The following WDFY3 variants were observed in gnomAD, a reference collection of about 807,000 sequenced individuals.
WDFY3 encodes WD repeat and FYVE domain-containing protein 3.
Under a neutral mutation model 409.6 loss-of-function variants are expected in WDFY3, and 66 were observed. The observed-to-expected ratio is 0.16, with a 90% CI of 0.13 to 0.20. The LOEUF is 0.20. Among genes scored for constraint, WDFY3 ranks in the 10% least tolerant of loss-of-function variants. The pLI is 1.00. For synonymous variants in WDFY3, 1,521 were observed against 1,537.1 expected (o/e 0.99, Z 0.25); for missense variants, 3,031 against 4,298.1 (o/e 0.71, Z 8.24).
intron 1 of WDFY3, among the ~76,000 whole-genome samples, chr4:84,958,505 T>C (rs533471949): frequency 6.6e-6 from 1 of 152,280 alleles, no homozygotes; most frequent in South Asian, 2.1e-4. Context: ...TTAAGTTTCA[T>C]AATAGGAGTA....
Position 84,672,695 on chromosome 4 carries a change from C to T in WDFY3, c.*173G>A. 1 of 880,306 alleles carries T rather than the reference C, an allele frequency of 1.1e-6. No homozygotes were observed. The allele number at this position is 880,306 out of a possible 1,614,324, so 54.5% of individuals were successfully genotyped here. A position where few individuals can be genotyped will look rare whatever the true frequency, so the allele number is the denominator to read the frequency against. On this transcript the variant is annotated 3_prime_UTR_variant, in exon 68 of 68. Coordinates refer to ENST00000295888, the MANE Select transcript of WDFY3 (RefSeq NM_014991.6). ...CTGTTCACCTGAATCGCGTCTGCCC[C>T]ATTCCTGTACTCTACACCCGTTTTA...
rs1258515636 is a variant in WDFY3 at position 84,696,005 on chromosome 4, C to G, written c.8866G>C (p.Gly2956Arg). The G allele has an allele frequency of 6.8e-6, 11 of 1,613,976 alleles. No homozygotes were observed. Among genetic ancestry groups the G allele is most frequent in the Non-Finnish European group, 9.3e-6 (11 of 1,180,014 alleles). The change falls in exon 58 of 68, where the codon GGG becomes CGG. Residue 2956 changes from glycine (G) to arginine (R), a missense_variant. Around this residue, in one of 16 missense-constraint regions of WDFY3, gnomAD observed 129 missense variants for 305.3 expected, o/e 0.42. Transcript: ENST00000295888. ...ATCTGACCGAAGTTATTAATGAACCCAATTGTGGCTGTCTCCTTTAGTGGG... is the reference window on the plus strand; with the variant it reads ...ATCTGACCGAAGTTATTAATGAACCGAATTGTGGCTGTCTCCTTTAGTGGG... ...NDPLKETATI[G>R]FINNFGQIPK...
At chr4:84,918,684 T>C (rs941144178) in intron 2 of WDFY3, among the ~76,000 whole-genome samples, 4 of 151,652 alleles carry the variant, frequency 2.6e-5, no homozygotes, top group Non-Finnish European at 5.9e-5. Context: ...GTTCTCATTA[T>C]AGAAAAAGGG....
Position 84,753,629 on chromosome 4 carries a change from T to C in WDFY3, c.5739+68A>G, listed in dbSNP as rs372229481. On this transcript the variant is annotated intron_variant, in intron 35 of 67. Transcript: ENST00000295888. ...ACTGTCAAAAAAAATCTGCTAACCATTGAAACAGACTAATTCCAGTTCTGA... is the reference window on the plus strand; with the variant it reads ...ACTGTCAAAAAAAATCTGCTAACCACTGAAACAGACTAATTCCAGTTCTGA... 155 of 1,454,676 alleles carry C rather than the reference T, an allele frequency of 1.1e-4. No individual in the cohort carries two copies. In the East Asian group the frequency reaches 2.2e-3, roughly 21 times the overall value. 90.1% of individuals were successfully genotyped at this position (1,454,676 alleles called of 1,614,324 possible).
At chr4:84,676,729 T>C (rs1037874545) in intron 67 of WDFY3, among the ~76,000 whole-genome samples, 1 of 152,052 alleles carries the variant, frequency 6.6e-6, no homozygotes, top group Admixed American at 6.5e-5. Context: ...AAAAACAATG[T>C]TGAGTAAGAA....
intron 11 of WDFY3, 39 bp downstream of exon 11, chr4:84,821,045 C>T: frequency 6.6e-7 from 1 of 1,509,566 alleles, no homozygotes; most frequent in South Asian, 1.3e-5. Context: ...GTTTTGAACC[C>T]CTTTTCAAAT....
intron 3 of WDFY3, among the ~76,000 whole-genome samples, chr4:84,888,820 TA>T (rs1764560555): frequency 6.6e-6 from 1 of 150,704 alleles, no homozygotes; most frequent in South Asian, 2.1e-4. Context: ...CAGCAAACAC[TA>T]AAAATTGGGG....
chr4:84,705,414 T>G lies in WDFY3; in HGVS notation c.8315A>C (p.Lys2772Thr). The change falls in exon 54 of 68, where the codon AAA becomes ACA. Residue 2772 changes from lysine (K) to threonine (T), a missense_variant. By Grantham distance (78) the Lys-to-Thr change is moderately conservative. Transcript: ENST00000295888. ...ERLAQYKKRY[K>T]DWEDPNGETP... Reference sequence around the variant, plus strand: ...CTTACCATTAGGATCCTCCCAGTCTTTATACCGCTTCTTATACTGAGCTAA... The same window carrying G: ...CTTACCATTAGGATCCTCCCAGTCTGTATACCGCTTCTTATACTGAGCTAA... 2 of 1,613,964 alleles carry G rather than the reference T, an allele frequency of 1.2e-6. No individual in the cohort carries two copies. The highest frequency in any genetic ancestry group is 1.7e-6 in the Non-Finnish European group (2 of 1,179,918).
rs1409896458 is a variant in WDFY3 at position 84,817,268 on chromosome 4, T to G, written c.1887+124A>C. On this transcript the variant is annotated intron_variant, in intron 13 of 67. Transcript: ENST00000295888. ...TCCAAGTTCCTAACGTGTACAAAGTTGTGAGGTTTCTTGGGTAATTTGGAT... is the reference window on the plus strand; with the variant it reads ...TCCAAGTTCCTAACGTGTACAAAGTGGTGAGGTTTCTTGGGTAATTTGGAT... 7 of 1,198,280 alleles carry G rather than the reference T, an allele frequency of 5.8e-6. No homozygotes were observed. The African/African-American group carries it at 6.1e-5, about 10-fold the overall frequency. The allele number at this position is 1,198,280 out of a possible 1,614,324, so 74.2% of individuals were successfully genotyped here.
At chr4:84,962,067 T>G (rs1774990862) in intron 1 of WDFY3, among the ~76,000 whole-genome samples, 1 of 152,178 alleles carries the variant, frequency 6.6e-6, no homozygotes, top group African/African-American at 2.4e-5. Context: ...TGTCCATCAG[T>G]TTATGAATGG....
chr4:84,778,229 T>C (rs1745889411), intron 27 of WDFY3, among the ~76,000 whole-genome samples: 1 of 152,146 alleles, frequency 6.6e-6, no homozygotes, highest in East Asian at 1.9e-4. Flanking sequence ...GAAACTATGT[T>C]TGACTCATGT....
chr4:84,815,643 T>G (rs1753184429), intron 13 of WDFY3, among the ~76,000 whole-genome samples: 1 of 152,188 alleles, frequency 6.6e-6, no homozygotes, highest in Admixed American at 6.5e-5. Flanking sequence ...AGGATTTATC[T>G]GATGTTTTCT....
At chr4:84,963,135 A>C (rs538445438) in intron 1 of WDFY3, among the ~76,000 whole-genome samples, 2 of 151,996 alleles carry the variant, frequency 1.3e-5, no homozygotes, top group East Asian at 1.9e-4. Flanking sequence ...AACAAAAAAA[A>C]AAAAACGGCC....
chr4:84,780,054 G>A, intron 26 of WDFY3, 54 bp downstream of exon 26: 1 of 1,461,818 alleles, frequency 6.8e-7, no homozygotes, highest in Non-Finnish European at 9.1e-7. Flanking sequence ...TAATAAAAAA[G>A]CAGAGTATTT....
chr4:84,963,150 A>G (rs1775134252), intron 1 of WDFY3, among the ~76,000 whole-genome samples: 1 of 151,190 alleles, frequency 6.6e-6, no homozygotes, highest in African/African-American at 2.4e-5. Context: ...ACGGCCTGGC[A>G]CGGTGGCTCA....
chr4:84,874,612 T>C (rs1361542021), intron 3 of WDFY3, among the ~76,000 whole-genome samples: 1 of 152,134 alleles, frequency 6.6e-6, no homozygotes. Flanking sequence ...CTCTATGTAT[T>C]ATGTATATTG....
Position 84,796,765 on chromosome 4 carries a change from G to A in WDFY3, c.2936-13C>T, listed in dbSNP as rs539410492. On this transcript the variant is annotated splice_polypyrimidine_tract_variant and intron_variant, in intron 18 of 67. Coordinates refer to ENST00000295888, the MANE Select transcript of WDFY3 (RefSeq NM_014991.6). ...GTGATCATACTACCTGTAAGTCAAG[G>A]AAATCTCTTGGGAAAATGTCATATG... The A allele has an allele frequency of 6.3e-6, 10 of 1,592,398 alleles. No homozygotes were observed. In the African/African-American group the frequency reaches 1.2e-4, roughly 19 times the overall value.
At position 84,766,268 on chromosome 4, in the gene WDFY3, T is replaced by C. The variant is rs754126387; in HGVS notation, c.4954A>G (p.Thr1652Ala). ...TTTACTTACTGCAAATTAATGCTTG[T>C]CTTTTCTTTAGATGTATAAATTAGT... ...LKLIYTSKEK[T>A]SINLQACEEL... is the part of the protein sequence containing the mutation. Residue 1652 changes from threonine (T) to alanine (A), a missense_variant, in exon 31 of 68, where the codon ACA becomes GCA. Transcript: ENST00000295888. The C allele has an allele frequency of 1.3e-6, 2 of 1,585,992 alleles. No individual in the cohort carries two copies. Among genetic ancestry groups the C allele is most frequent in the Non-Finnish European group, 1.7e-6 (2 of 1,167,204 alleles).
intron 4 of WDFY3, among the ~76,000 whole-genome samples, chr4:84,851,791 T>C (rs1054586646): frequency 4.6e-5 from 7 of 152,288 alleles, no homozygotes; most frequent in African/African-American, 1.2e-4. Flanking sequence ...AGGTAAGTTC[T>C]AAGACCCCAC....
Sources: gnomAD v4.1 joint callset for allele counts (sites outside exome capture counted in the v4.1 genomes callset) on GRCh38, gnomAD v4.1.1 for gene constraint, gnomAD v4.1.1 regional missense constraint, MANE v1.5 for transcripts, NCBI Gene and HGNC (gene_info 2026-07-23, HGNC 2026-07-21) for gene names.